The following RNF223 variants were observed in gnomAD, a reference collection of about 807,000 sequenced individuals.
RNF223 encodes ring finger protein 223.
RNF223 carries 10 observed loss-of-function variants against 13.9 expected under a neutral mutation model. The observed-to-expected ratio is 0.72, with a 90% CI of 0.44 to 1.22. The LOEUF is 1.22. Ranked by LOEUF, RNF223 falls within the 50% of genes most tolerant of loss-of-function variation. RNF223 has a pLI of 0.00. For synonymous variants in RNF223, 168 were observed against 173.3 expected (o/e 0.97, Z 0.24); for missense variants, 379 against 380.0 (o/e 1.00, Z 0.02).
In RNF223 at chr1:1,072,013, G is replaced by A. The variant is rs1202650698; in HGVS notation, c.554C>T (p.Ala185Val). 36 of 1,498,770 alleles carry A rather than the reference G, an allele frequency of 2.4e-5. No individual in the cohort carries two copies. The highest frequency in any genetic ancestry group is 4.4e-5 in the African/African-American group (3 of 68,562). 92.8% of individuals were successfully genotyped at this position (1,498,770 alleles called of 1,614,324 possible). ...RDPAPRRGRL[A>V]RCWARCRDWR... ...GTCCCTGCAGCGCGCCCAGCAGCGG[G>A]CCAGGCGGCCCCGGCGGGGGGCAGG... The change falls in exon 2 of 2, where the codon GCC becomes GTC. Residue 185 changes from alanine to valine, a missense_variant. By Grantham distance (64) the Ala-to-Val change is moderately conservative (BLOSUM62 0). Coordinates refer to ENST00000453464, the MANE Select transcript of RNF223 (RefSeq NM_001205252.2).
intron 1 of RNF223, 111 bp downstream of exon 1, chr1:1,073,905 C>T (rs577847127): frequency 6.6e-6 from 1 of 152,388 alleles, no homozygotes; most frequent in Non-Finnish European, 1.5e-5. Context: ...GCTCTGCGGC[C>T]TGTGTACCCC....
chr1:1,071,866 G>A lies in RNF223; in HGVS notation c.701C>T (p.Pro234Leu), dbSNP rs890464933. The A allele has an allele frequency of 4.7e-5, 72 of 1,522,758 alleles. 1 individual carries two copies. Among genetic ancestry groups the A allele is most frequent in the Middle Eastern group, 1.9e-4 (1 of 5,280 alleles). 94.3% of individuals were successfully genotyped at this position (1,522,758 alleles called of 1,614,324 possible). The change falls in exon 2 of 2, where the codon CCG (proline) becomes CTG (leucine). Residue 234 changes from proline (P) to leucine (L), a missense_variant. Coordinates refer to ENST00000453464, the MANE Select transcript of RNF223 (RefSeq NM_001205252.2). ...GGGGGAGGCGGCTGTGCTGGTGGCC[G>A]GGGGCCGGGGGGGCAGGGGCAGGCA... The part of the protein sequence containing the change: ...LRCLPLPPRP[P>L]ATSTAASPLG...
In RNF223 at chr1:1,074,031, CA is replaced by C. The variant is rs1169774584; in HGVS notation, c.-26del. Reference sequence around the variant, plus strand: ...CTGGCCTTACCTGGTGGCCGGGGGTCAGCGGGCCTGGGCGTGGTCCTCCTCG... The same window carrying C: ...CTGGCCTTACCTGGTGGCCGGGGGTCGCGGGCCTGGGCGTGGTCCTCCTCG... On this transcript the variant is annotated 5_prime_UTR_variant, in exon 1 of 2. Coordinates refer to ENST00000453464, the MANE Select transcript of RNF223 (RefSeq NM_001205252.2). 23 of 152,368 alleles carry C rather than the reference CA, an allele frequency of 1.5e-4. No individual in the cohort carries two copies. Among genetic ancestry groups the C allele is most frequent in the African/African-American group, 5.5e-4 (23 of 41,528 alleles). 9.4% of individuals were successfully genotyped at this position (152,368 alleles called of 1,614,324 possible).
chr1:1,072,144 C>T lies in RNF223; in HGVS notation c.423G>A (p.Lys141=). 1 of 1,515,662 alleles carries T rather than the reference C, an allele frequency of 6.6e-7. No individual in the cohort carries two copies. The highest frequency in any genetic ancestry group is 1.2e-5 in the South Asian group (1 of 81,418). 93.9% of individuals were successfully genotyped at this position (1,515,662 alleles called of 1,614,324 possible). The change falls in exon 2 of 2, where the codon AAG becomes AAA. Residue 141 remains lysine, a synonymous_variant. Transcript: ENST00000453464. ...REEPVWLEGT[K]LCCQPLPTTP... ...TGGTGGGCAGTGGCTGGCAGCACAG[C>T]TTGGTGCCCTCCAGCCACACAGGCT...
intron 1 of RNF223, among the ~76,000 whole-genome samples, chr1:1,073,705 T>C (rs1300089514): frequency 6.6e-6 from 1 of 152,086 alleles, no homozygotes; most frequent in East Asian, 1.9e-4. Flanking sequence ...CTCAAGGGCC[T>C]GGCCGTGCGT....
At position 1,071,373 on chromosome 1, in the gene RNF223, C is replaced by G. The variant is rs1006340647; in HGVS notation, c.*444G>C. 1.9e-5 allele frequency: 3 copies of G among 154,790 alleles called. No homozygotes were observed. The highest frequency in any genetic ancestry group is 4.3e-5 in the Non-Finnish European group (3 of 69,928). 9.6% of individuals were successfully genotyped at this position (154,790 alleles called of 1,614,324 possible). ...GCCACCTCCACCTCCCCGGTTCAAG[C>G]AGTTCTCCTGCCTCAGCCTCCCCAG... On this transcript the variant is annotated 3_prime_UTR_variant, in exon 2 of 2. Coordinates refer to ENST00000453464, the MANE Select transcript of RNF223 (RefSeq NM_001205252.2).
At chr1:1,073,086 G>C (rs1645654442) in intron 1 of RNF223, among the ~76,000 whole-genome samples, 1 of 152,274 alleles carries the variant, frequency 6.6e-6, no homozygotes, top group Admixed American at 6.5e-5. Context: ...GACCCTGGCA[G>C]ATACGGCTCT....
chr1:1,072,263 T>C lies in RNF223; in HGVS notation c.304A>G (p.Arg102Gly). ...GGEAVPCPFC[R>G]QPTAVPPAGA... ...GCGGGCGGCACGGCCGTGGGCTGCC[T>C]GCAGAAGGGGCAAGGTACAGCCTCA... Residue 102 changes from arginine to glycine, a missense_variant, in exon 2 of 2, where the codon AGG (arginine) becomes GGG (glycine). By Grantham distance (125) the Arg-to-Gly change is moderately radical. Coordinates refer to ENST00000453464, the MANE Select transcript of RNF223 (RefSeq NM_001205252.2). The C allele has an allele frequency of 7.0e-7, 1 of 1,437,912 alleles. No individual in the cohort carries two copies. Among genetic ancestry groups the C allele is most frequent in the South Asian group, 1.5e-5 (1 of 68,462 alleles). 89.1% of individuals were successfully genotyped at this position (1,437,912 alleles called of 1,614,324 possible). A position where few individuals can be genotyped will look rare whatever the true frequency, so the allele number is the denominator to read the frequency against.
chr1:1,073,691 G>A (rs1294633857), intron 1 of RNF223, among the ~76,000 whole-genome samples: 1 of 152,174 alleles, frequency 6.6e-6, no homozygotes, highest in African/African-American at 2.4e-5. Flanking sequence ...GGGTGACAGT[G>A]AGACTCAAGG....
chr1:1,071,831 G>A lies in RNF223; in HGVS notation c.736C>T (p.Leu246=). Residue 246 remains leucine, a synonymous_variant, in exon 2 of 2, where the codon CTG becomes TTG. Coordinates refer to ENST00000453464, the MANE Select transcript of RNF223 (RefSeq NM_001205252.2). The part of the protein sequence containing the change: ...TSTAASPLGP[L]TDN ...GGCTGCTGGCCCTAATTATCAGTCA[G>A]AGGCCCGAGGGGGGAGGCGGCTGTG... is the stretch of plus-strand genomic sequence containing the variant. The A allele has an allele frequency of 6.6e-7, 1 of 1,510,872 alleles. No individual in the cohort carries two copies. Among genetic ancestry groups the A allele is most frequent in the Non-Finnish European group, 8.8e-7 (1 of 1,135,642 alleles). The allele number at this position is 1,510,872 out of a possible 1,614,324, so 93.6% of individuals were successfully genotyped here.
chr1:1,071,745 C>T lies in RNF223; in HGVS notation c.*72G>A. On this transcript the variant is annotated 3_prime_UTR_variant, in exon 2 of 2. Transcript: ENST00000453464. ...ACCGACTTCCAGTGGCTGCTGTGCCCTTGGGCCCCCCAGTGGGGGACGCCC... is the reference window on the plus strand; with the variant it reads ...ACCGACTTCCAGTGGCTGCTGTGCCTTTGGGCCCCCCAGTGGGGGACGCCC... The T allele has an allele frequency of 7.7e-7, 1 of 1,296,276 alleles. No homozygotes were observed. Among genetic ancestry groups the T allele is most frequent in the Non-Finnish European group, 1.0e-6 (1 of 988,898 alleles). 80.3% of individuals were successfully genotyped at this position (1,296,276 alleles called of 1,614,324 possible). A position where few individuals can be genotyped will look rare whatever the true frequency, so the allele number is the denominator to read the frequency against.
chr1:1,073,169 G>A (rs1645654737), intron 1 of RNF223, among the ~76,000 whole-genome samples: 1 of 152,240 alleles, frequency 6.6e-6, no homozygotes. Context: ...CCTGGCTTGG[G>A]CGGTGCAGGC....
chr1:1,073,095 C>T (rs536029985), intron 1 of RNF223, among the ~76,000 whole-genome samples: 1 of 152,348 alleles, frequency 6.6e-6, no homozygotes, highest in South Asian at 2.1e-4. Flanking sequence ...AGATACGGCT[C>T]TCAGGCAGGC....
Position 1,072,464 on chromosome 1 carries a change from T to C in RNF223, c.103A>G (p.Arg35Gly). ...PRSPSSAGSPRSPGTPGSERV... is the reference protein window; with the variant it reads ...PRSPSSAGSPGSPGTPGSERV... ...TCCGAGCCAGGGGTGCCAGGGGACC[T>C]GGGGCTGCCGGCCGAGCTGGGGGAC... Residue 35 changes from arginine to glycine, a missense_variant, in exon 2 of 2, where the codon AGG (arginine) becomes GGG (glycine). Arg to Gly is a moderately radical substitution (Grantham distance 125). Coordinates refer to ENST00000453464, the MANE Select transcript of RNF223 (RefSeq NM_001205252.2). 2 of 1,526,532 alleles carry C rather than the reference T, an allele frequency of 1.3e-6. No homozygotes were observed. The highest frequency in any genetic ancestry group is 1.7e-6 in the Non-Finnish European group (2 of 1,142,892). 94.6% of individuals were successfully genotyped at this position (1,526,532 alleles called of 1,614,324 possible).
chr1:1,073,529 G>A (rs549641566), intron 1 of RNF223, among the ~76,000 whole-genome samples: 6 of 152,318 alleles, frequency 3.9e-5, no homozygotes, highest in Middle Eastern at 3.4e-3. Flanking sequence ...GACCCTGGGG[G>A]ACGGACACTG....
rs1035288109 is a variant in RNF223, at chr1:1,072,186, C to T, written c.381G>A (p.Ala127=). Residue 127 remains alanine, a synonymous_variant, in exon 2 of 2, where the codon GCG becomes GCA. Transcript: ENST00000453464. ...ACACAGGCTCCTCACGCCGCAAATG[C>T]GCCGGCATCCGGGCCTGCAGCTGGC... ...TSRQLQARMP[A]HLRREEPVWL... is the part of the protein sequence containing the mutation. 63 of 1,502,958 alleles carry T rather than the reference C, an allele frequency of 4.2e-5. No homozygotes were observed. Among genetic ancestry groups the T allele is most frequent in the Non-Finnish European group, 5.1e-5 (58 of 1,132,406 alleles). 93.1% of individuals were successfully genotyped at this position (1,502,958 alleles called of 1,614,324 possible). A position where few individuals can be genotyped will look rare whatever the true frequency, so the allele number is the denominator to read the frequency against.
At position 1,072,109 on chromosome 1, in the gene RNF223, C is replaced by T. The variant is rs773521509; in HGVS notation, c.458G>A (p.Arg153His). ...GTCCACGCATACGAAACCGGGCTCG[C>T]GGCCAGGTGTGGTGGGCAGTGGCTG... ...CCQPLPTTPG[R>H]EPGFVCVDVG... Residue 153 changes from arginine (R) to histidine (H), a missense_variant, in exon 2 of 2, where the codon CGC becomes CAC. Physicochemically the swap from Arg to His is conservative, Grantham distance 29. Transcript: ENST00000453464. 4.9e-5 allele frequency: 74 copies of T among 1,515,748 alleles called. No homozygotes were observed. In the Admixed American group the frequency reaches 7.7e-4, roughly 16 times the overall value. 93.9% of individuals were successfully genotyped at this position (1,515,748 alleles called of 1,614,324 possible). A position where few individuals can be genotyped will look rare whatever the true frequency, so the allele number is the denominator to read the frequency against.
At position 1,072,043 on chromosome 1, in the gene RNF223, C is replaced by A. The variant is rs542538552; in HGVS notation, c.524G>T (p.Arg175Leu). The A allele has an allele frequency of 4.0e-6, 6 of 1,484,960 alleles. No homozygotes were observed. Among genetic ancestry groups the A allele is most frequent in the Non-Finnish European group, 5.3e-6 (6 of 1,124,914 alleles). 92.0% of individuals were successfully genotyped at this position (1,484,960 alleles called of 1,614,324 possible). A position where few individuals can be genotyped will look rare whatever the true frequency, so the allele number is the denominator to read the frequency against. ...SKPAEPPAPA[R>L]DPAPRRGRLA... ...GCGGCCCCGGCGGGGGGCAGGGTCC[C>A]GGGCGGGCGCGGGCGGCTCGGCAGG... The change falls in exon 2 of 2, where the codon CGG becomes CTG. Residue 175 changes from arginine to leucine, a missense_variant. Coordinates refer to ENST00000453464, the MANE Select transcript of RNF223 (RefSeq NM_001205252.2).
Position 1,072,448 on chromosome 1 carries a change from G to T in RNF223, c.119C>A (p.Pro40His). 1 of 1,516,932 alleles carries T rather than the reference G, an allele frequency of 6.6e-7. No individual in the cohort carries two copies. The highest frequency in any genetic ancestry group is 8.8e-7 in the Non-Finnish European group (1 of 1,139,126). The allele number at this position is 1,516,932 out of a possible 1,614,324, so 94.0% of individuals were successfully genotyped here. A position where few individuals can be genotyped will look rare whatever the true frequency, so the allele number is the denominator to read the frequency against. Residue 40 changes from proline (P) to histidine (H), a missense_variant, in exon 2 of 2, where the codon CCT becomes CAT. Pro to His is a moderately conservative substitution (Grantham distance 77). Transcript: ENST00000453464. ...GGGGGAGGCCACCCTCTCCGAGCCA[G>T]GGGTGCCAGGGGACCTGGGGCTGCC... ...SAGSPRSPGT[P>H]GSERVASPLE...
Sources: allele counts gnomAD v4.1 joint callset (sites outside exome capture counted in the v4.1 genomes callset), GRCh38; gene constraint gnomAD v4.1.1; transcripts MANE v1.5; gene names NCBI Gene and HGNC (gene_info 2026-07-23, HGNC 2026-07-21).